Variants in ZNF718 observed in about 807,000 individuals in gnomAD.
The protein encoded by ZNF718 is zinc finger protein 718.
In ZNF718, 3 loss-of-function variants were observed where a neutral mutation model predicts 2.6. That is an observed-to-expected ratio of 1.16 (90% CI 0.53 to 3.01). ZNF718 has a LOEUF of 3.01. ZNF718 is among the 30% of genes most tolerant of loss of function. The pLI, the probability that ZNF718 is intolerant of heterozygous loss-of-function variation, is 0.03. For missense variants in ZNF718, 468 were observed against 230.0 expected (o/e 2.03, Z -6.69); for synonymous variants, 135 against 77.9 (o/e 1.73, Z -3.86).
At chr4:188,493 G>GCTT (rs1717615723) in intron 3 of ZNF718, among the ~76,000 whole-genome samples, 2 of 152,176 alleles carry the variant, frequency 1.3e-5, no homozygotes, top group African/African-American at 2.4e-5. Context: ...GTGGAAGTGG[G>GCTT]GCCCACAGAC....
chr4:180,448 T>C (rs535738338), intron 3 of ZNF718, among the ~76,000 whole-genome samples: 8 of 152,330 alleles, frequency 5.3e-5, no homozygotes, highest in African/African-American at 1.7e-4. Flanking sequence ...GAGCCAGGGA[T>C]CTCAGTATAA....
At chr4:145,817 A>G (rs1716027561) in intron 3 of ZNF718, among the ~76,000 whole-genome samples, 1 of 151,376 alleles carries the variant, frequency 6.6e-6, no homozygotes, top group Admixed American at 6.6e-5. Flanking sequence ...TTATTCATGT[A>G]TTTATTTTAG....
At chr4:165,553 C>G (rs1407643512), downstream of ZNF718, among the ~76,000 whole-genome samples, 1 of 152,162 alleles carries the variant, frequency 6.6e-6, no homozygotes, top group East Asian at 1.9e-4. Flanking sequence ...AATCCCAGCA[C>G]TCTGGGAAGC....
At chr4:165,033 G>A (rs1717056763), downstream of ZNF718, among the ~76,000 whole-genome samples, 1 of 152,166 alleles carries the variant, frequency 6.6e-6, no homozygotes, top group Non-Finnish European at 1.5e-5. Context: ...TGAATTTAAA[G>A]AAGATTTCAG....
chr4:143,915 C>G (rs960357657), intron 3 of ZNF718, among the ~76,000 whole-genome samples: 8 of 152,046 alleles, frequency 5.3e-5, no homozygotes, highest in African/African-American at 1.9e-4. Context: ...GACCGTTGAC[C>G]CCCCCGTCTC....
Position 161,786 on chromosome 4 carries a change from C to A in ZNF718, c.1101C>A (p.Tyr367Ter), listed in dbSNP as rs782583931. The change falls in exon 4 of 4, where the codon TAC (tyrosine) becomes TAA (stop). Residue 367 changes from tyrosine to a stop codon, truncating the protein, a stop_gained. Transcript: ENST00000510175. LOFTEE classifies it low-confidence loss of function (END_TRUNC). ...GAATCCATACTGGAGAGAAACCCTA[C>A]ACATGTGAAGAATGTGGAAAAGCCT... Reference protein sequence around the residue: ...HKRIHTGEKPYTCEECGKAFN... With the variant: ...HKRIHTGEKP 10 of 780,666 alleles carry A rather than the reference C, an allele frequency of 1.3e-5. No individual in the cohort carries two copies. The highest frequency in any genetic ancestry group is 3.4e-5 in the African/African-American group (2 of 59,124). 48.4% of individuals were successfully genotyped at this position (780,666 alleles called of 1,614,324 possible).
chr4:199,663 T>C (rs1239685707), intron 3 of ZNF718, among the ~76,000 whole-genome samples: 2 of 152,248 alleles, frequency 1.3e-5, no homozygotes, highest in Non-Finnish European at 2.9e-5. Context: ...TAAAACAGAA[T>C]GTTCACTTGG....
In ZNF718 at chr4:172,626, G is replaced by T. The variant is rs1581474152; in HGVS notation, c.227-28455G>T. Among the ~76,000 whole-genome samples the T allele has an allele frequency of 2.0e-5, 3 of 152,156 alleles. No homozygotes were observed. In the South Asian group the frequency reaches 6.2e-4, roughly 32 times the overall value. On this transcript the variant is annotated intron_variant and NMD_transcript_variant, in intron 3 of 4. Transcript: ENST00000642529. Reference sequence around the variant, plus strand: ...TAAAACACAAGCAACTTTGACTTCAGAAATAACTCTTGTCTATTATAGTAA... The same window carrying T: ...TAAAACACAAGCAACTTTGACTTCATAAATAACTCTTGTCTATTATAGTAA...
At chr4:154,432 T>C (rs1303422442) in intron 3 of ZNF718, among the ~76,000 whole-genome samples, 2 of 152,110 alleles carry the variant, frequency 1.3e-5, no homozygotes, top group Non-Finnish European at 2.9e-5. Flanking sequence ...TGGAGATGTG[T>C]TGTATGGCTT....
intron 1 of ZNF718, among the ~76,000 whole-genome samples, chr4:126,788 T>G (rs1553808121): frequency 9.9e-5 from 15 of 152,144 alleles, no homozygotes; most frequent in Non-Finnish European, 2.1e-4. Context: ...TGCTGTTCTA[T>G]TATGGTGGAA....
rs530665787 is a variant in ZNF718 at position 192,111 on chromosome 4, C to T, written c.227-8970C>T. ...AGTGCAGTGGACACCCTGCTGGATCCAGAAGGTTGGAAGTCAGTGGTGGGT... is the reference window on the plus strand; with the variant it reads ...AGTGCAGTGGACACCCTGCTGGATCTAGAAGGTTGGAAGTCAGTGGTGGGT... On this transcript the variant is annotated intron_variant and NMD_transcript_variant, in intron 3 of 4. Coordinates refer to the ZNF718 transcript ENST00000642529. 2.6e-5 allele frequency among the ~76,000 whole-genome samples: 4 copies of T among 152,230 alleles called. No homozygotes were observed. The East Asian group carries it at 5.8e-4, about 22-fold the overall frequency.
chr4:196,595 A>C (rs1553822061), intron 3 of ZNF718, among the ~76,000 whole-genome samples: 1 of 152,170 alleles, frequency 6.6e-6, no homozygotes, highest in Admixed American at 6.5e-5. Flanking sequence ...GGGTGCATGC[A>C]TAGGCAACTG....
intron 3 of ZNF718, among the ~76,000 whole-genome samples, chr4:178,014 T>A (rs1717384708): frequency 6.6e-6 from 1 of 152,054 alleles, no homozygotes; most frequent in South Asian, 2.1e-4. Flanking sequence ...AAACACCCCT[T>A]AAGACACCCA....
intron 3 of ZNF718, among the ~76,000 whole-genome samples, chr4:195,236 A>G (rs1717768874): frequency 6.6e-6 from 1 of 152,142 alleles, no homozygotes; most frequent in Non-Finnish European, 1.5e-5. Flanking sequence ...TAGTTTTTTG[A>G]TTCTGTAAGT....
intron 3 of ZNF718, among the ~76,000 whole-genome samples, chr4:191,154 T>TTC (rs1441849085): frequency 2.1e-5 from 3 of 146,160 alleles, no homozygotes; most frequent in African/African-American, 7.6e-5. Context: ...CTTTTTTTTT[T>TTC]TTTTTTTTTT....
chr4:143,933 G>C (rs1315048154), intron 3 of ZNF718, among the ~76,000 whole-genome samples: 3 of 152,120 alleles, frequency 2.0e-5, no homozygotes, highest in Admixed American at 6.5e-5. Context: ...CTCCTATAAG[G>C]ATTTATGGGG....
At chr4:175,932 C>T (rs1717337154) in intron 3 of ZNF718, among the ~76,000 whole-genome samples, 1 of 147,170 alleles carries the variant, frequency 6.8e-6, no homozygotes, top group African/African-American at 2.5e-5. Flanking sequence ...TCTCGGCTCA[C>T]TGCAAGCTCC....
chr4:165,074 G>T (rs970678177), downstream of ZNF718, among the ~76,000 whole-genome samples: 5 of 152,058 alleles, frequency 3.3e-5, no homozygotes, highest in Admixed American at 6.6e-5. Context: ...TCAGTTTTTT[G>T]ATGTCTTTAT....
chr4:171,520 T>A (rs766130288), intron 3 of ZNF718, among the ~76,000 whole-genome samples: 6 of 152,122 alleles, frequency 3.9e-5, no homozygotes, highest in Non-Finnish European at 8.8e-5. Flanking sequence ...CCGCTTTGTT[T>A]ACCCCCTCAA....
Sources: allele counts gnomAD v4.1 joint callset (sites outside exome capture counted in the v4.1 genomes callset), GRCh38; gene constraint gnomAD v4.1.1; transcripts MANE v1.5; gene names NCBI Gene and HGNC (gene_info 2026-07-23, HGNC 2026-07-21).